The following NTM variants were observed in gnomAD, a reference collection of about 807,000 sequenced individuals.
NTM encodes neurotrimin.
NTM carries 13 observed loss-of-function variants against 42.1 expected under a neutral mutation model. The ratio of observed to expected loss-of-function variants is 0.31; its 90% confidence interval spans 0.20 to 0.49. The LOEUF (loss-of-function observed/expected upper bound fraction) is 0.49, where lower values mean the gene tolerates loss of function less well. Ranked by LOEUF, NTM falls within the 20% of genes least tolerant of loss-of-function variation. The pLI is 0.99. For synonymous variants in NTM, 187 were observed against 179.2 expected (o/e 1.04, Z -0.35); for missense variants, 373 against 452.8 (o/e 0.82, Z 1.60).
At chr11:131,584,217 C>T (rs1055277475) in intron 1 of NTM, among the ~76,000 whole-genome samples, 1 of 152,190 alleles carries the variant, frequency 6.6e-6, no homozygotes. Context: ...ACGACGTCCC[C>T]ATCGCATAAA....
At chr11:131,569,873 G>A (rs1266147823) in intron 1 of NTM, among the ~76,000 whole-genome samples, 5 of 152,160 alleles carry the variant, frequency 3.3e-5, no homozygotes, top group Admixed American at 6.5e-5. Context: ...AGGCCACCAC[G>A]TCCGGCCTGT....
At chr11:132,222,061 C>T (rs928640201) in intron 4 of NTM, among the ~76,000 whole-genome samples, 8 of 152,284 alleles carry the variant, frequency 5.3e-5, no homozygotes, top group African/African-American at 1.9e-4. Flanking sequence ...GCACCTGTGT[C>T]ATCGCGCTGG....
chr11:132,288,327 A>C (rs1023634899), intron 4 of NTM, among the ~76,000 whole-genome samples: 1 of 152,242 alleles, frequency 6.6e-6, no homozygotes, highest in Non-Finnish European at 1.5e-5. Flanking sequence ...CTTAAACTTA[A>C]AGGGCAAGTA....
chr11:131,415,923 CA>C (rs1946897602), intron 1 of NTM, among the ~76,000 whole-genome samples: 1 of 152,174 alleles, frequency 6.6e-6, no homozygotes, highest in Non-Finnish European at 1.5e-5. Context: ...AAGACTTAAA[CA>C]TATACACAAT....
intron 1 of NTM, among the ~76,000 whole-genome samples, chr11:131,467,737 A>G (rs1366832276): frequency 6.6e-6 from 1 of 152,226 alleles, no homozygotes; most frequent in African/African-American, 2.4e-5. Flanking sequence ...TATAGAAAGG[A>G]TATTTTATGA....
intron 1 of NTM, among the ~76,000 whole-genome samples, chr11:131,776,139 T>A (rs1036671317): frequency 6.6e-6 from 1 of 152,224 alleles, no homozygotes; most frequent in African/African-American, 2.4e-5. Context: ...AGCTCCACTC[T>A]TAATTAGGTT....
chr11:132,018,331 T>C (rs1229552370), intron 2 of NTM, among the ~76,000 whole-genome samples: 1 of 152,056 alleles, frequency 6.6e-6, no homozygotes. Context: ...ACATTTAGTC[T>C]TTCATCATTG....
chr11:131,785,341 A>C (rs1473157135), intron 1 of NTM, among the ~76,000 whole-genome samples: 1 of 152,234 alleles, frequency 6.6e-6, no homozygotes, highest in Non-Finnish European at 1.5e-5. Context: ...TATGAATTTT[A>C]ACGAGTTAAA....
intron 1 of NTM, among the ~76,000 whole-genome samples, chr11:131,745,906 T>A (rs1419621038): frequency 1.3e-5 from 2 of 152,158 alleles, no homozygotes; most frequent in East Asian, 3.9e-4. Context: ...AAAACCCCTG[T>A]TTAATTCACC....
intron 1 of NTM, among the ~76,000 whole-genome samples, chr11:131,799,164 C>T (rs1484057269): frequency 6.6e-6 from 1 of 152,190 alleles, no homozygotes; most frequent in East Asian, 1.9e-4. Flanking sequence ...CAAGAGTATA[C>T]ATCTTGAAAG....
rs560770273 is a variant in NTM, at chr11:131,994,078, C to T, written c.167+82430C>T. On this transcript the variant is annotated intron_variant, in intron 2 of 8. Transcript: ENST00000683400. ...CAGCATAATAGAAATCAAGGGAGCTCGTGTCTCTAAAGGTGGAGAAAGACA... is the reference window on the plus strand; with the variant it reads ...CAGCATAATAGAAATCAAGGGAGCTTGTGTCTCTAAAGGTGGAGAAAGACA... Among the ~76,000 whole-genome samples, 5 of 151,558 alleles carry T rather than the reference C, an allele frequency of 3.3e-5. No homozygotes were observed. In the East Asian group the frequency reaches 5.8e-4, roughly 18 times the overall value.
At chr11:131,721,294 A>G (rs568015905) in intron 1 of NTM, among the ~76,000 whole-genome samples, 121 of 152,140 alleles carry the variant, frequency 8.0e-4, no homozygotes, top group Middle Eastern at 3.4e-3. Flanking sequence ...TCTTAGCACA[A>G]TTGCTTTGGT....
chr11:131,703,044 T>G (rs1280305655), intron 1 of NTM, among the ~76,000 whole-genome samples: 1 of 152,214 alleles, frequency 6.6e-6, no homozygotes. Flanking sequence ...GTGAAAAATC[T>G]ACATAGATCC....
chr11:131,423,430 A>G (rs1947736203), intron 1 of NTM, among the ~76,000 whole-genome samples: 1 of 152,212 alleles, frequency 6.6e-6, no homozygotes, highest in African/African-American at 2.4e-5. Flanking sequence ...AAACATCTGC[A>G]TTCTCTAAGT....
intron 1 of NTM, chr11:131,660,407 G>A (rs2067847466): frequency 2.2e-6 from 1 of 452,572 alleles, no homozygotes; most frequent in Non-Finnish European, 4.5e-6. Flanking sequence ...AGGGAGAGAG[G>A]AGGAAGACTC....
chr11:131,676,364 T>A (rs936436713), intron 1 of NTM, among the ~76,000 whole-genome samples: 1 of 152,150 alleles, frequency 6.6e-6, no homozygotes, highest in African/African-American at 2.4e-5. Flanking sequence ...ATAAAGGAAA[T>A]TTTAAGGGTC....
At chr11:131,743,400 C>T (rs1383694861) in intron 1 of NTM, among the ~76,000 whole-genome samples, 1 of 152,062 alleles carries the variant, frequency 6.6e-6, no homozygotes, top group Non-Finnish European at 1.5e-5. Context: ...CATTAAAAAA[C>T]TTATTTTCCA....
At chr11:131,475,903 A>G (rs1003105079) in intron 1 of NTM, among the ~76,000 whole-genome samples, 1 of 152,250 alleles carries the variant, frequency 6.6e-6, no homozygotes, top group Admixed American at 6.5e-5. Context: ...ATAAAGACAC[A>G]TTCAAAATAT....
chr11:132,093,246 C>G (rs1441385396), intron 2 of NTM, among the ~76,000 whole-genome samples: 1 of 152,206 alleles, frequency 6.6e-6, no homozygotes, highest in Non-Finnish European at 1.5e-5. Context: ...AATACAGACT[C>G]TTTCCTGTTT....
Sources: gnomAD v4.1 joint callset for allele counts (sites outside exome capture counted in the v4.1 genomes callset) on GRCh38, gnomAD v4.1.1 for gene constraint, MANE v1.5 for transcripts, NCBI Gene and HGNC (gene_info 2026-07-23, HGNC 2026-07-21) for gene names.